ARHGEF38: variants seen among roughly 807,000 people sequenced by gnomAD.
The protein encoded by ARHGEF38 is Rho guanine nucleotide exchange factor (GEF) 38.
Under a neutral mutation model 79.9 loss-of-function variants are expected in ARHGEF38, and 79 were observed. The observed-to-expected ratio is 0.99, with a 90% CI of 0.82 to 1.19. The LOEUF is 1.19. Ranked by LOEUF, ARHGEF38 falls within the 50% of genes most tolerant of loss-of-function variation. ARHGEF38 has a pLI of 0.00. For synonymous variants in ARHGEF38, 366 were observed against 328.3 expected (o/e 1.11, Z -1.24); for missense variants, 962 against 907.2 (o/e 1.06, Z -0.78).
At chr4:105,635,190 A>G (rs903766646) in intron 4 of ARHGEF38, among the ~76,000 whole-genome samples, 1 of 152,110 alleles carries the variant, frequency 6.6e-6, no homozygotes, top group Non-Finnish European at 1.5e-5. Context: ...GTAAATGGAC[A>G]CATTTTAAAT....
chr4:105,606,980 T>C (rs1009016334), intron 2 of ARHGEF38, among the ~76,000 whole-genome samples: 26 of 152,282 alleles, frequency 1.7e-4, no homozygotes, highest in African/African-American at 6.0e-4. Context: ...TAGCCTAATT[T>C]ATTTTTTCAA....
intron 2 of ARHGEF38, among the ~76,000 whole-genome samples, chr4:105,603,438 G>A (rs972728862): frequency 6.6e-6 from 1 of 152,106 alleles, no homozygotes; most frequent in Non-Finnish European, 1.5e-5. Flanking sequence ...TACCATCATA[G>A]ACTAGCTTTA....
At chr4:105,674,437 G>C (rs889860207) in intron 13 of ARHGEF38, among the ~76,000 whole-genome samples, 1 of 152,074 alleles carries the variant, frequency 6.6e-6, no homozygotes, top group African/African-American at 2.4e-5. Context: ...AGATTAGAAA[G>C]TTACAGACTG....
At position 105,659,119 on chromosome 4, in the gene ARHGEF38, T is replaced by C; in HGVS notation, c.1299T>C (p.Pro433=). ...LSALLSLFPG[P]HKLIQKRYDK... is the part of the protein sequence containing the mutation. ...CCCTGCTGTCCTTATTCCCAGGGCC[T>C]CACAAGCTCATCCAGAAACGCTATG... The change falls in exon 10 of 14, where the codon CCT becomes CCC. Residue 433 remains proline, a synonymous_variant. Transcript: ENST00000420470. The C allele has an allele frequency of 6.5e-7, 1 of 1,536,156 alleles. No individual in the cohort carries two copies. Among genetic ancestry groups the C allele is most frequent in the Non-Finnish European group, 8.7e-7 (1 of 1,146,862 alleles).
chr4:105,563,623 G>T (rs1488098513), intron 1 of ARHGEF38, among the ~76,000 whole-genome samples: 1 of 152,006 alleles, frequency 6.6e-6, no homozygotes, highest in South Asian at 2.1e-4. Flanking sequence ...TGGCTCCAAA[G>T]TCAGGGCTTT....
At chr4:105,603,732 T>C (rs1727921586) in intron 2 of ARHGEF38, among the ~76,000 whole-genome samples, 2 of 152,142 alleles carry the variant, frequency 1.3e-5, no homozygotes, top group African/African-American at 4.8e-5. Flanking sequence ...ATAGGAAGCA[T>C]TCAAGCATCC....
intron 7 of ARHGEF38, among the ~76,000 whole-genome samples, chr4:105,651,488 G>T (rs1730102648): frequency 6.6e-6 from 1 of 152,146 alleles, no homozygotes; most frequent in African/African-American, 2.4e-5. Flanking sequence ...AACAGGTATA[G>T]GTTCTGAATT....
chr4:105,612,965 C>T (rs1367229090), intron 2 of ARHGEF38, among the ~76,000 whole-genome samples: 3 of 152,000 alleles, frequency 2.0e-5, no homozygotes, highest in Admixed American at 2.0e-4. Context: ...CATCACTTTT[C>T]AAACATCTGT....
At chr4:105,586,678 A>G (rs1384486362) in intron 1 of ARHGEF38, among the ~76,000 whole-genome samples, 1 of 152,118 alleles carries the variant, frequency 6.6e-6, no homozygotes, top group African/African-American at 2.4e-5. Flanking sequence ...ATCCCAAATA[A>G]TTCATAGATT....
chr4:105,615,678 C>T (rs186871253), intron 3 of ARHGEF38, among the ~76,000 whole-genome samples: 1 of 152,204 alleles, frequency 6.6e-6, no homozygotes, highest in Non-Finnish European at 1.5e-5. Context: ...TTTATAAGAC[C>T]TTTACATCAT....
At chr4:105,554,067 G>A (rs1411486620) in intron 1 of ARHGEF38, among the ~76,000 whole-genome samples, 1 of 151,920 alleles carries the variant, frequency 6.6e-6, no homozygotes, top group Non-Finnish European at 1.5e-5. Flanking sequence ...AAAATTACCA[G>A]TAGTTCAGCA....
chr4:105,561,414 A>G (rs76245881), intron 1 of ARHGEF38, among the ~76,000 whole-genome samples: 3,612 of 42,484 alleles, frequency 0.085, 608 homozygotes, highest in Non-Finnish European at 0.11. Context: ...AGAATAGAAT[A>G]GAATAGAATG....
intron 2 of ARHGEF38, 143 bp from the exon 3 acceptor site, chr4:105,613,241 T>C (rs1307761090): frequency 3.6e-6 from 4 of 1,126,560 alleles, no homozygotes; most frequent in Non-Finnish European, 4.8e-6. Flanking sequence ...AAAACTGCAC[T>C]CTAGAATTCC....
At position 105,667,293 on chromosome 4, in the gene ARHGEF38, G is replaced by C; in HGVS notation, c.1854G>C (p.Leu618=). 6.5e-7 allele frequency: 1 copy of C among 1,536,154 alleles called. No individual in the cohort carries two copies. Among genetic ancestry groups the C allele is most frequent in the Non-Finnish European group, 8.7e-7 (1 of 1,146,908 alleles). The stretch of plus-strand genomic sequence containing the variant: ...CTGTGATAGAACAGAAAGATCCACT[G>C]GGGAGTACAAGCAGGTGGCTTGTGG... ...LVAVIEQKDP[L]GSTSRWLVDT... The change falls in exon 12 of 14, where the codon CTG becomes CTC. Residue 618 remains leucine (L), a synonymous_variant. Transcript: ENST00000420470.
At chr4:105,591,935 A>T (rs1727359573) in intron 2 of ARHGEF38, among the ~76,000 whole-genome samples, 1 of 152,162 alleles carries the variant, frequency 6.6e-6, no homozygotes, top group South Asian at 2.1e-4. Context: ...TCTTTATTTT[A>T]TTAACATATA....
At chr4:105,600,928 T>G (rs554311250) in intron 2 of ARHGEF38, among the ~76,000 whole-genome samples, 30 of 152,268 alleles carry the variant, frequency 2.0e-4, no homozygotes, top group African/African-American at 7.2e-4. Flanking sequence ...AGACCATGTC[T>G]CATCTCCTTT....
intron 1 of ARHGEF38, among the ~76,000 whole-genome samples, chr4:105,586,976 C>G (rs1045460922): frequency 6.9e-6 from 1 of 144,330 alleles, no homozygotes; most frequent in Non-Finnish European, 1.5e-5. Flanking sequence ...TGAATATACA[C>G]ATTTTTAAAA....
intron 10 of ARHGEF38, among the ~76,000 whole-genome samples, chr4:105,663,214 T>C (rs1730627062): frequency 6.6e-6 from 1 of 152,182 alleles, no homozygotes; most frequent in Non-Finnish European, 1.5e-5. Context: ...TAATACCTGC[T>C]CACTGCTATA....
At chr4:105,559,986 T>A (rs1283577696) in intron 1 of ARHGEF38, among the ~76,000 whole-genome samples, 1 of 152,192 alleles carries the variant, frequency 6.6e-6, no homozygotes, top group East Asian at 1.9e-4. Flanking sequence ...GTTTGAGATG[T>A]CACATGCTTG....
Sources: allele counts gnomAD v4.1 joint callset (sites outside exome capture counted in the v4.1 genomes callset), GRCh38; gene constraint gnomAD v4.1.1; transcripts MANE v1.5; gene names NCBI Gene and HGNC (gene_info 2026-07-23, HGNC 2026-07-21).